RC3H2: variants seen among roughly 807,000 people sequenced by gnomAD.
The protein encoded by RC3H2 is ring finger and CCCH-type domains 2.
Under a neutral mutation model 133.3 loss-of-function variants are expected in RC3H2, and 31 were observed. That is an observed-to-expected ratio of 0.23 (90% CI 0.17 to 0.31). RC3H2 has a LOEUF of 0.31. RC3H2 is among the 10% of genes least tolerant of loss of function. The pLI, the probability that RC3H2 is intolerant of heterozygous loss-of-function variation, is 1.00. For missense variants in RC3H2, 1,175 were observed against 1,437.2 expected, an observed-to-expected ratio of 0.82 and a Z score of 2.95; for synonymous variants, 517 against 502.2, an observed-to-expected ratio of 1.03 and a Z score of -0.40.
chr9:122,882,105 A>G (rs139906063), intron 5 of RC3H2, among the ~76,000 whole-genome samples: 12 of 152,318 alleles, frequency 7.9e-5, no homozygotes, highest in African/African-American at 2.2e-4. Context: ...AAAAAAATGA[A>G]AAGAAGAAAT....
intron 1 of RC3H2, among the ~76,000 whole-genome samples, chr9:122,901,299 A>C (rs895789773): frequency 1.3e-5 from 2 of 152,216 alleles, no homozygotes; most frequent in African/African-American, 4.8e-5. Context: ...CGTTTAGAAA[A>C]CTTAAAAATA....
At chr9:122,868,839 ATGTGTGTGTGTGTGTGTGTGTGTG>A (rs36205979) in intron 9 of RC3H2, among the ~76,000 whole-genome samples, 3,483 of 118,920 alleles carry the variant, frequency 0.029, 208 homozygotes, top group East Asian at 0.2. Flanking sequence ...TCCCTCCTAT[ATGTGTGTGTGTGTGTGTGTGTGTG>A]TGTGTGTGTG....
intron 9 of RC3H2, among the ~76,000 whole-genome samples, chr9:122,877,120 G>C (rs1831374713): frequency 6.6e-6 from 1 of 152,170 alleles, no homozygotes. Flanking sequence ...CCTCAGGCTG[G>C]AGTGCAGTGG....
intron 4 of RC3H2, among the ~76,000 whole-genome samples, chr9:122,887,353 C>T (rs1831961821): frequency 6.6e-6 from 1 of 151,970 alleles, no homozygotes; most frequent in East Asian, 1.9e-4. Context: ...AGTAGGAGCT[C>T]CTTCATGTTC....
chr9:122,864,356 ACACT>A (rs57782881), intron 10 of RC3H2, among the ~76,000 whole-genome samples: 10,058 of 152,190 alleles, frequency 0.066, 1,240 homozygotes, highest in East Asian at 0.53. Context: ...TCTTATGCTG[ACACT>A]CAGTAACAAT....
chr9:122,863,611 A>G (rs1830535645), intron 10 of RC3H2, among the ~76,000 whole-genome samples: 2 of 152,224 alleles, frequency 1.3e-5, no homozygotes, highest in South Asian at 4.1e-4. Flanking sequence ...AAATCCCTTA[A>G]AAGCAAAGTA....
chr9:122,902,603 G>GGGAGGC (rs1478186980), intron 1 of RC3H2, among the ~76,000 whole-genome samples: 5 of 152,058 alleles, frequency 3.3e-5, no homozygotes, highest in African/African-American at 9.6e-5. Context: ...CCAGCACTTT[G>GGGAGGC]GGAGGCGGAG....
Position 122,905,300 on chromosome 9 carries a change from C to G in RC3H2, c.-258G>C. Reference sequence around the variant, plus strand: ...GGCCGCGACGGGGCCTCCTCCTCCTCCCTCCACCTCCGCCTCCTCCTCCTC... The same window carrying G: ...GGCCGCGACGGGGCCTCCTCCTCCTGCCTCCACCTCCGCCTCCTCCTCCTC... On this transcript the variant is annotated 5_prime_UTR_variant, in exon 1 of 21. Coordinates refer to ENST00000357244, the MANE Select transcript of RC3H2 (RefSeq NM_001100588.3). The G allele has an allele frequency of 1.0e-6, 1 of 977,744 alleles. No homozygotes were observed. The highest frequency in any genetic ancestry group is 4.7e-5 in the South Asian group (1 of 21,268). The allele number at this position is 977,744 out of a possible 1,614,324, so 60.6% of individuals were successfully genotyped here.
At chr9:122,875,396 A>T in intron 9 of RC3H2, 1 of 1,524,234 alleles carries the variant, frequency 6.6e-7, no homozygotes, top group Non-Finnish European at 8.8e-7. Context: ...ACATTTAATA[A>T]ACAGATCATG....
intron 10 of RC3H2, among the ~76,000 whole-genome samples, chr9:122,864,951 A>C (rs997446131): frequency 3.9e-5 from 6 of 152,094 alleles, no homozygotes; most frequent in African/African-American, 1.4e-4. Flanking sequence ...ACAGAGTATA[A>C]AGTGAAAGCG....
rs1395541413 is a variant in RC3H2, at chr9:122,905,293, T to G, written c.-251A>C. On this transcript the variant is annotated 5_prime_UTR_variant, in exon 1 of 21. Coordinates refer to ENST00000357244, the MANE Select transcript of RC3H2 (RefSeq NM_001100588.3). ...CGGCGAAGGCCGCGACGGGGCCTCC[T>G]CCTCCTCCCTCCACCTCCGCCTCCT... 1 of 985,480 alleles carries G rather than the reference T, an allele frequency of 1.0e-6. No homozygotes were observed. The highest frequency in any genetic ancestry group is 1.2e-6 in the Non-Finnish European group (1 of 829,864). 61.0% of individuals were successfully genotyped at this position (985,480 alleles called of 1,614,324 possible).
At chr9:122,870,194 G>A (rs1045201262) in intron 9 of RC3H2, among the ~76,000 whole-genome samples, 3 of 151,870 alleles carry the variant, frequency 2.0e-5, no homozygotes, top group African/African-American at 4.8e-5. Flanking sequence ...GGCCAACATG[G>A]TGAAACCCCG....
At chr9:122,897,615 T>A in intron 1 of RC3H2, 39 bp from the exon 2 acceptor site, 1 of 1,387,280 alleles carries the variant, frequency 7.2e-7, no homozygotes, top group Non-Finnish European at 9.7e-7. Context: ...CACATATTCA[T>A]CATTCACCTT....
At position 122,879,766 on chromosome 9, in the gene RC3H2, C is replaced by A; in HGVS notation, c.1201G>T (p.Glu401Ter). The stretch of plus-strand genomic sequence containing the variant: ...ATAAATGTACTTACCTGAGGGGTCT[C>A]ATGGCCTTTTCTACTATAATTTTGT... ...FIQNYSRKGH[E>*]TPQPQPNSKY... Residue 401 changes from glutamate to a stop codon, truncating the protein, a stop_gained, in exon 8 of 21, where the codon GAG (glutamate) becomes TAG (stop). Coordinates refer to ENST00000357244, the MANE Select transcript of RC3H2 (RefSeq NM_001100588.3). LOFTEE classifies it high-confidence loss of function. The A allele has an allele frequency of 6.2e-7, 1 of 1,606,890 alleles. No individual in the cohort carries two copies. The highest frequency in any genetic ancestry group is 1.1e-5 in the South Asian group (1 of 90,664).
At chr9:122,881,442 A>C (rs888067734) in intron 5 of RC3H2, among the ~76,000 whole-genome samples, 1 of 133,892 alleles carries the variant, frequency 7.5e-6, no homozygotes, top group African/African-American at 2.8e-5. Flanking sequence ...TGAGGGACAG[A>C]GTGAGACTCC....
chr9:122,880,124 A>T lies in RC3H2; in HGVS notation c.962T>A (p.Leu321Gln). ...CTTTGCAAATGACTCTGGAGACTGT[A>T]GCTAACAAACAGAAATGAGAATGCT... is the stretch of plus-strand genomic sequence containing the variant. Reference protein sequence around the residue: ...KSHMQSIIDKLQSPESFAKSV... With the variant: ...KSHMQSIIDKQQSPESFAKSV... The change falls in exon 7 of 21, where the codon CTA (leucine) becomes CAA (glutamine). Residue 321 changes from leucine (L) to glutamine (Q), a missense_variant and splice_region_variant. By Grantham distance (113) the Leu-to-Gln change is moderately radical. Around this residue, in one of 8 missense-constraint regions of RC3H2, gnomAD observed 131 missense variants for 154.2 expected, o/e 0.85. Transcript: ENST00000357244. The T allele has an allele frequency of 6.2e-7, 1 of 1,614,110 alleles. No homozygotes were observed. Among genetic ancestry groups the T allele is most frequent in the Non-Finnish European group, 8.5e-7 (1 of 1,179,958 alleles).
Position 122,880,603 on chromosome 9 carries a change from G to A in RC3H2, c.951C>T (p.Ile317=), listed in dbSNP as rs192691522. 113 of 1,612,612 alleles carry A rather than the reference G, an allele frequency of 7.0e-5. 1 individual carries two copies. In the East Asian group the frequency reaches 2.3e-3, roughly 32 times the overall value. The change falls in exon 6 of 21, where the codon ATC becomes ATT. Residue 317 remains isoleucine, a synonymous_variant. Transcript: ENST00000357244. The stretch of plus-strand genomic sequence containing the variant: ...CTCTAATTTCACAAACCTTATCAAT[G>A]ATAGACTGCATGTGTGATTTATGAG... ...DLAHKSHMQS[I]IDKLQSPESF... is the part of the protein sequence containing the mutation.
At chr9:122,853,441 T>C (rs1008201674) in intron 18 of RC3H2, among the ~76,000 whole-genome samples, 1 of 151,784 alleles carries the variant, frequency 6.6e-6, no homozygotes, top group Non-Finnish European at 1.5e-5. Flanking sequence ...GGTTTCCCTT[T>C]TAAATTAAAG....
At chr9:122,900,629 C>G (rs901590425) in intron 1 of RC3H2, among the ~76,000 whole-genome samples, 1 of 152,076 alleles carries the variant, frequency 6.6e-6, no homozygotes, top group Non-Finnish European at 1.5e-5. Flanking sequence ...TAGACCTATA[C>G]TAATACATTT....
Sources: allele counts gnomAD v4.1 joint callset (sites outside exome capture counted in the v4.1 genomes callset), GRCh38; gene constraint gnomAD v4.1.1; regional missense constraint gnomAD v4.1.1; transcripts MANE v1.5; gene names NCBI Gene and HGNC (gene_info 2026-07-23, HGNC 2026-07-21).